The following MGST1 variants were observed in gnomAD, a reference collection of about 807,000 sequenced individuals.
MGST1 encodes microsomal glutathione S-transferase 1.
A neutral mutation model predicts 8.9 loss-of-function variants in MGST1; 5 were observed. That is an observed-to-expected ratio of 0.56 (90% confidence interval 0.29 to 1.19). The LOEUF (loss-of-function observed/expected upper bound fraction) is 1.19, where lower values mean the gene tolerates loss of function less well. Among genes scored for constraint, MGST1 ranks in the 50% most tolerant of loss-of-function variants. The pLI is 0.08. For synonymous variants in MGST1, 54 were observed against 67.8 expected (o/e 0.80, Z 1.00); for missense variants, 182 against 187.4 (o/e 0.97, Z 0.17).
intron 4 of MGST1, among the ~76,000 whole-genome samples, chr12:16,510,601 A>G (rs959516557): frequency 6.6e-6 from 1 of 152,254 alleles, no homozygotes; most frequent in African/African-American, 2.4e-5. Context: ...TAAAACTTAC[A>G]TTAAACATTT....
At chr12:16,433,491 A>C (rs569878606) in intron 1 of MGST1, among the ~76,000 whole-genome samples, 123 of 152,082 alleles carry the variant, frequency 8.1e-4, no homozygotes, top group Non-Finnish European at 1.2e-3. Flanking sequence ...GGTAGGAAAA[A>C]GCCTATGTCC....
intron 4 of MGST1, among the ~76,000 whole-genome samples, chr12:16,523,963 C>A (rs1714791199): frequency 6.6e-6 from 1 of 152,066 alleles, no homozygotes; most frequent in African/African-American, 2.4e-5. Flanking sequence ...CCCTTACAGC[C>A]ACACATTATA....
intron 1 of MGST1, among the ~76,000 whole-genome samples, chr12:16,422,717 C>T (rs1265435425): frequency 6.6e-6 from 1 of 152,140 alleles, no homozygotes; most frequent in African/African-American, 2.4e-5. Context: ...TTTAAGATTT[C>T]CTACTGGATA....
At chr12:16,381,866 T>A (rs1940456416), downstream of MGST1, among the ~76,000 whole-genome samples, 1 of 152,190 alleles carries the variant, frequency 6.6e-6, no homozygotes, top group Non-Finnish European at 1.5e-5. Context: ...AAACTTCTCT[T>A]CTCGCTTCGT....
chr12:16,536,028 T>A (rs1591754447), intron 4 of MGST1, among the ~76,000 whole-genome samples: 1 of 151,368 alleles, frequency 6.6e-6, no homozygotes, highest in South Asian at 2.1e-4. Context: ...ATTGGAAGGG[T>A]TATTTAGTCT....
Position 16,570,792 on chromosome 12 carries a change from A to G in MGST1, n.483-18736A>G, listed in dbSNP as rs557732589. On this transcript the variant is annotated intron_variant and non_coding_transcript_variant, in intron 4 of 4. Transcript: ENST00000538857. ...CAACAGTCACCTGATTATTCACAAAAAGTTATCAAATCACTTACCTTGAAT... is the reference window on the plus strand; with the variant it reads ...CAACAGTCACCTGATTATTCACAAAGAGTTATCAAATCACTTACCTTGAAT... Among the ~76,000 whole-genome samples, 4 of 152,310 alleles carry G rather than the reference A, an allele frequency of 2.6e-5. No individual in the cohort carries two copies. The East Asian group carries it at 7.7e-4, about 29-fold the overall frequency.
At chr12:16,573,663 TCCCTTCCTGC>T (rs1057210755) in intron 4 of MGST1, 4 of 152,276 alleles carry the variant, frequency 2.6e-5, no homozygotes, top group Admixed American at 6.5e-5. Context: ...TCTCTGAGGC[TCCCTTCCTGC>T]TCTGCTCGAG....
At position 16,576,188 on chromosome 12, in the gene MGST1, A is replaced by G. The variant is rs376441107; in HGVS notation, n.483-13340A>G. On this transcript the variant is annotated intron_variant and non_coding_transcript_variant, in intron 4 of 4. Transcript: ENST00000538857. This position sits in a 1 kb window ranked among gnomAD's most constrained non-coding sequence, Gnocchi z 4.1. ...CCACTCTGCAGCCGGTAGCCTTTCT[A>G]TAACACAGCTCCAACCCATTGATCC... Among the ~76,000 whole-genome samples the G allele has an allele frequency of 6.6e-6, 1 of 152,248 alleles. No individual in the cohort carries two copies. Among genetic ancestry groups the G allele is most frequent in the East Asian group, 1.9e-4 (1 of 5,176 alleles).
chr12:16,401,831 G>T lies in MGST1; in HGVS notation n.778+18227G>T. The T allele has an allele frequency of 2.5e-6, 4 of 1,604,776 alleles. No homozygotes were observed. The South Asian group carries it at 3.3e-5, about 13-fold the overall frequency. ...CTATTTCCATGACTCTTTCCTTGAA[G>T]AATTTGTTGAAGACTTCAGAAGTGA... is the stretch of plus-strand genomic sequence containing the variant. On this transcript the variant is annotated intron_variant and non_coding_transcript_variant, in intron 1 of 1. Transcript: ENST00000359720. The surrounding 1 kb of genome is among the most constrained non-coding windows in gnomAD (Gnocchi z 4.3).
chr12:16,400,769 G>A (rs1940648087), intron 1 of MGST1: 5 of 1,268,344 alleles, frequency 3.9e-6, no homozygotes, highest in Non-Finnish European at 5.8e-6. Flanking sequence ...CTTGATTGTG[G>A]CAATGTGAAA....
At chr12:16,429,030 C>A (rs923722015) in intron 1 of MGST1, among the ~76,000 whole-genome samples, 1 of 151,706 alleles carries the variant, frequency 6.6e-6, no homozygotes, top group South Asian at 2.1e-4. Context: ...TGAAATCTTC[C>A]CTGCCCTTTT....
chr12:16,358,228 T>C (rs116748518), intron 3 of MGST1, among the ~76,000 whole-genome samples: 1 of 152,200 alleles, frequency 6.6e-6, no homozygotes, highest in Non-Finnish European at 1.5e-5. Flanking sequence ...GGGGTATGAT[T>C]GTTCCTATCA....
At position 16,500,880 on chromosome 12, in the gene MGST1, C is replaced by T. The variant is rs534360551; in HGVS notation, n.483-88648C>T. On this transcript the variant is annotated intron_variant and non_coding_transcript_variant, in intron 4 of 4. Transcript: ENST00000538857. The surrounding 1 kb of genome is among the most constrained non-coding windows in gnomAD (Gnocchi z 4.3). ...CAGCACTTTGGGAGACCAAGGCAGG[C>T]GGATCACAAGGTCAAGAGATCGAGA... Among the ~76,000 whole-genome samples the T allele has an allele frequency of 3.7e-4, 57 of 152,132 alleles. No homozygotes were observed. In the South Asian group the frequency reaches 0.011, roughly 30 times the overall value.
chr12:16,388,874 C>A (rs1026868261), intron 1 of MGST1, among the ~76,000 whole-genome samples: 1 of 152,172 alleles, frequency 6.6e-6, no homozygotes, highest in Admixed American at 6.5e-5. Context: ...CTCTGTCCTT[C>A]CAGAACTCCT....
At chr12:16,486,519 A>G (rs1270639292) in intron 4 of MGST1, among the ~76,000 whole-genome samples, 1 of 152,252 alleles carries the variant, frequency 6.6e-6, no homozygotes, top group Non-Finnish European at 1.5e-5. Flanking sequence ...ATCTCAATAT[A>G]TTTGATAAAC....
rs1383836035 is a variant in MGST1 at position 16,347,902 on chromosome 12, A to G, written c.-23+192A>G. ...TTGTATTTCTGTCCCCGTGCGGGTA[A>G]GTTTTCCCATTTCTCAAACTCCAGG... On this transcript the variant is annotated intron_variant, in intron 1 of 3. Transcript: ENST00000396210. The surrounding 1 kb of genome is among the most constrained non-coding windows in gnomAD (Gnocchi z 4.0). The G allele has an allele frequency of 2.6e-5, 4 of 152,202 alleles. No individual in the cohort carries two copies. Among genetic ancestry groups the G allele is most frequent in the Non-Finnish European group, 4.4e-5 (3 of 68,044 alleles). 9.4% of individuals were successfully genotyped at this position (152,202 alleles called of 1,614,324 possible).
chr12:16,433,356 T>TA (rs999969033), intron 1 of MGST1, among the ~76,000 whole-genome samples: 1 of 152,006 alleles, frequency 6.6e-6, no homozygotes, highest in African/African-American at 2.4e-5. Context: ...CACCCAGGAA[T>TA]AATACTTGGC....
At chr12:16,385,714 A>T (rs562534399) in intron 1 of MGST1, among the ~76,000 whole-genome samples, 3 of 147,034 alleles carry the variant, frequency 2.0e-5, no homozygotes, top group South Asian at 4.3e-4. Flanking sequence ...TTTTTCCTCA[A>T]TCTGGGTGGC....
chr12:16,397,778 CTTT>C (rs55755629), intron 1 of MGST1, among the ~76,000 whole-genome samples: 1 of 143,276 alleles, frequency 7.0e-6, no homozygotes, highest in Non-Finnish European at 1.5e-5. Context: ...TCAATAGTAT[CTTT>C]TTTTTTTTTG....
Sources: allele counts gnomAD v4.1 joint callset (sites outside exome capture counted in the v4.1 genomes callset), GRCh38; gene constraint gnomAD v4.1.1; non-coding constraint Gnocchi (gnomAD v3.1); transcripts MANE v1.5; gene names NCBI Gene and HGNC (gene_info 2026-07-23, HGNC 2026-07-21).